Variants in SYT17 observed in about 807,000 individuals in gnomAD.
The protein encoded by SYT17 is synaptotagmin-17.
A neutral mutation model predicts 46.7 loss-of-function variants in SYT17; 22 were observed. The ratio of observed to expected loss-of-function variants is 0.47; its 90% confidence interval spans 0.34 to 0.67. The LOEUF is 0.67. Ranked by LOEUF, SYT17 falls within the 30% of genes least tolerant of loss-of-function variation. The probability of loss-of-function intolerance (pLI) is 0.01; values close to 1 mark genes in which losing one functional copy is unlikely to be tolerated. For synonymous variants in SYT17, 251 were observed against 248.4 expected, an observed-to-expected ratio of 1.01 and a Z score of -0.10; for missense variants, 519 against 612.8, an observed-to-expected ratio of 0.85 and a Z score of 1.62.
chr16:19,240,747 G>A (rs1445192128), intron 7 of SYT17, among the ~76,000 whole-genome samples: 2 of 152,222 alleles, frequency 1.3e-5, no homozygotes, highest in South Asian at 2.1e-4. Context: ...GGTTGCTCAT[G>A]GCGCTCAGGC....
At chr16:19,191,294 G>C (rs1016371582) in intron 5 of SYT17, among the ~76,000 whole-genome samples, 1 of 152,212 alleles carries the variant, frequency 6.6e-6, no homozygotes, top group Non-Finnish European at 1.5e-5. Flanking sequence ...CTAACCCCGA[G>C]GGGATGGTAT....
intron 7 of SYT17, among the ~76,000 whole-genome samples, chr16:19,239,617 A>C (rs923441881): frequency 6.6e-6 from 1 of 152,224 alleles, no homozygotes; most frequent in Non-Finnish European, 1.5e-5. Flanking sequence ...CACTGCTCCA[A>C]GTATTTCAAA....
chr16:19,252,380 CATAT>C (rs1255011604), intron 7 of SYT17, among the ~76,000 whole-genome samples: 1 of 16,564 alleles, frequency 6.0e-5, no homozygotes, highest in Non-Finnish European at 8.9e-5. Flanking sequence ...CATATATATA[CATAT>C]ATATATATAC....
chr16:19,266,811 C>G lies in SYT17; in HGVS notation c.1229-69C>G. On this transcript the variant is annotated intron_variant, in intron 7 of 7. Coordinates refer to ENST00000355377, the MANE Select transcript of SYT17 (RefSeq NM_016524.4). ...TAGACTAATGGCCTCTTGTCTTCTC[C>G]CTGCCTTCCTGTTCTGTTCCCCTCC... The G allele has an allele frequency of 2.1e-6, 3 of 1,440,792 alleles. No homozygotes were observed. The South Asian group carries it at 4.0e-5, about 19-fold the overall frequency. The allele number at this position is 1,440,792 out of a possible 1,614,324, so 89.3% of individuals were successfully genotyped here. A position where few individuals can be genotyped will look rare whatever the true frequency, so the allele number is the denominator to read the frequency against.
At chr16:19,181,497 A>G (rs1229845092) in intron 4 of SYT17, among the ~76,000 whole-genome samples, 3 of 152,148 alleles carry the variant, frequency 2.0e-5, no homozygotes, top group Non-Finnish European at 2.9e-5. Flanking sequence ...GTTCAAGGGC[A>G]TGAAATAGTG....
At chr16:19,188,913 G>C (rs1356347020) in intron 5 of SYT17, among the ~76,000 whole-genome samples, 1 of 152,034 alleles carries the variant, frequency 6.6e-6, no homozygotes, top group Non-Finnish European at 1.5e-5. Context: ...TTTGAGATGA[G>C]TGCTGCTCTG....
In SYT17 at chr16:19,267,944, G is replaced by GTC. The variant is rs1222925203; in HGVS notation, c.*869_*870insCT. The GTC allele has an allele frequency of 7.9e-5, 7 of 88,096 alleles. No individual in the cohort carries two copies. Among genetic ancestry groups the GTC allele is most frequent in the Non-Finnish European group, 1.5e-4 (7 of 47,922 alleles). 5.5% of individuals were successfully genotyped at this position (88,096 alleles called of 1,614,324 possible). A position where few individuals can be genotyped will look rare whatever the true frequency, so the allele number is the denominator to read the frequency against. ...CCCACTTTGGATAAAAGTAGTGTGT[G>GTC]TGTGTGTGTGTGTGTGTGTGTGTGT... On this transcript the variant is annotated 3_prime_UTR_variant, in exon 8 of 8. Transcript: ENST00000355377.
intron 6 of SYT17, 107 bp downstream of exon 6, chr16:19,223,272 A>G: frequency 1.5e-6 from 2 of 1,339,360 alleles, no homozygotes; most frequent in South Asian, 1.5e-5. Flanking sequence ...TACTCATCTC[A>G]GGATGAGGCA....
chr16:19,241,429 G>A (rs975260050), intron 7 of SYT17, among the ~76,000 whole-genome samples: 1 of 152,076 alleles, frequency 6.6e-6, no homozygotes, highest in Non-Finnish European at 1.5e-5. Flanking sequence ...CTGCACCCAG[G>A]AAGCTCCCTC....
intron 5 of SYT17, among the ~76,000 whole-genome samples, chr16:19,209,068 C>T (rs916294605): frequency 2.0e-5 from 3 of 151,618 alleles, no homozygotes; most frequent in Non-Finnish European, 4.4e-5. Flanking sequence ...GGAGTTTCAC[C>T]ATGTTGGTCA....
At chr16:19,249,907 C>G (rs1157572199) in intron 7 of SYT17, 2 of 1,533,688 alleles carry the variant, frequency 1.3e-6, no homozygotes, top group East Asian at 2.4e-5. Context: ...TCCCTTGTCC[C>G]CAGCAGATTC....
Position 19,173,485 on chromosome 16 carries a change from G to T in SYT17, c.89G>T (p.Cys30Phe), listed in dbSNP as rs1449531995. Residue 30 changes from cysteine (C) to phenylalanine (F), a missense_variant, in exon 3 of 8, where the codon TGC (cysteine) becomes TTC (phenylalanine). Coordinates refer to ENST00000355377, the MANE Select transcript of SYT17 (RefSeq NM_016524.4). ...CTGTGCAGATGGACCTGCCGGCACT[G>T]CTGTCAGAAGTGCTACGAGTCCAGC... ...LLLCRWTCRH[C>F]CQKCYESSCC... The T allele has an allele frequency of 1.9e-6, 3 of 1,610,786 alleles. No individual in the cohort carries two copies. The African/African-American group carries it at 4.0e-5, about 22-fold the overall frequency.
rs1295334256 is a variant in SYT17, at chr16:19,267,153, C to T, written c.*77C>T. 7 of 1,301,450 alleles carry T rather than the reference C, an allele frequency of 5.4e-6. No homozygotes were observed. The highest frequency in any genetic ancestry group is 7.2e-6 in the Non-Finnish European group (7 of 970,522). The allele number at this position is 1,301,450 out of a possible 1,614,324, so 80.6% of individuals were successfully genotyped here. Reference sequence around the variant, plus strand: ...GAAAAAAATGTGTCACATACTATTACATCCACACCTGCATACACACTCGCA... The same window carrying T: ...GAAAAAAATGTGTCACATACTATTATATCCACACCTGCATACACACTCGCA... On this transcript the variant is annotated 3_prime_UTR_variant, in exon 8 of 8. Transcript: ENST00000355377.
At position 19,204,255 on chromosome 16, in the gene SYT17, C is replaced by T. The variant is rs560261831; in HGVS notation, c.952-18790C>T. ...CACCCAAAATATCTCCAGACATTGC[C>T]ACATGCCCCCTGCAGGGCACAATCA... is the stretch of plus-strand genomic sequence containing the variant. On this transcript the variant is annotated intron_variant, in intron 5 of 7. Coordinates refer to ENST00000355377, the MANE Select transcript of SYT17 (RefSeq NM_016524.4). Among the ~76,000 whole-genome samples the T allele has an allele frequency of 5.3e-5, 8 of 152,212 alleles. No homozygotes were observed. The South Asian group carries it at 1.5e-3, about 28-fold the overall frequency.
At chr16:19,178,774 T>C (rs73532712) in intron 3 of SYT17, among the ~76,000 whole-genome samples, 80 of 152,270 alleles carry the variant, frequency 5.3e-4, no homozygotes, top group African/African-American at 1.8e-3. Context: ...CTTAGGGGCA[T>C]GTTATTAGCA....
intron 5 of SYT17, among the ~76,000 whole-genome samples, chr16:19,192,603 A>G (rs1268362361): frequency 2.0e-5 from 3 of 152,122 alleles, no homozygotes; most frequent in Non-Finnish European, 4.4e-5. Flanking sequence ...AACGTTGAGG[A>G]GCAAAAGACA....
intron 7 of SYT17, among the ~76,000 whole-genome samples, chr16:19,265,350 C>G (rs1282361670): frequency 1.3e-5 from 2 of 152,312 alleles, no homozygotes; most frequent in East Asian, 3.8e-4. Context: ...AATTTTTCTC[C>G]ACAGAGCTGA....
intron 3 of SYT17, chr16:19,180,143 GA>G: frequency 2.2e-6 from 1 of 458,124 alleles, no homozygotes; most frequent in Non-Finnish European, 4.0e-6. Flanking sequence ...CCCCAGCTTT[GA>G]AATTATGCAA....
At chr16:19,240,421 C>T (rs2142955287) in intron 7 of SYT17, among the ~76,000 whole-genome samples, 1 of 152,280 alleles carries the variant, frequency 6.6e-6, no homozygotes, top group African/African-American at 2.4e-5. Context: ...CTTCTCTCTG[C>T]TAGGCAGGTC....
Sources: allele counts gnomAD v4.1 joint callset (sites outside exome capture counted in the v4.1 genomes callset), GRCh38; gene constraint gnomAD v4.1.1; transcripts MANE v1.5; gene names NCBI Gene and HGNC (gene_info 2026-07-23, HGNC 2026-07-21).